Variants in OR11H4 observed in about 807,000 individuals in gnomAD.
OR11H4 encodes the protein olfactory receptor family 11 subfamily H member 4.
For missense variants in OR11H4, 460 were observed against 371.1 expected, an observed-to-expected ratio of 1.24 and a Z score of -1.97; for synonymous variants, 162 against 142.3, an observed-to-expected ratio of 1.14 and a Z score of -0.98.
In OR11H4 at chr14:20,243,778, G is replaced by T. The variant is rs368901730; in HGVS notation, c.*12G>T. On this transcript the variant is annotated 3_prime_UTR_variant, in exon 2 of 2. Coordinates refer to ENST00000641082, the MANE Select transcript of OR11H4 (RefSeq NM_001004479.2). ...GTCAAAATTCGTGAGCCAAAGATGT[G>T]CCATACTTACAAGTTCTAACGAAGA... is the stretch of plus-strand genomic sequence containing the variant. 1.3e-5 allele frequency: 21 copies of T among 1,557,106 alleles called. No homozygotes were observed. Among genetic ancestry groups the T allele is most frequent in the Middle Eastern group, 3.4e-4 (2 of 5,804 alleles).
At chr14:20,239,681 G>A (rs1305120080) in intron 1 of OR11H4, among the ~76,000 whole-genome samples, 1 of 151,606 alleles carries the variant, frequency 6.6e-6, no homozygotes, top group Admixed American at 6.6e-5. Flanking sequence ...GCGACAGAGC[G>A]AGACTGTCTC....
intron 1 of OR11H4, among the ~76,000 whole-genome samples, chr14:20,239,658 C>T (rs1880873984): frequency 6.6e-6 from 1 of 151,594 alleles, no homozygotes; most frequent in African/African-American, 2.4e-5. Context: ...CGCGCCACTG[C>T]ACTCCAGCCT....
intron 1 of OR11H4, among the ~76,000 whole-genome samples, chr14:20,241,581 C>G (rs1880920176): frequency 6.6e-6 from 1 of 152,164 alleles, no homozygotes; most frequent in Admixed American, 6.5e-5. Context: ...CCCCTCCACA[C>G]CTGTGGGTAT....
intron 1 of OR11H4, among the ~76,000 whole-genome samples, chr14:20,239,653 C>A (rs1469852219): frequency 1.3e-5 from 2 of 151,532 alleles, no homozygotes; most frequent in East Asian, 3.9e-4. Context: ...GAGATCGCGC[C>A]ACTGCACTCC....
At position 20,243,415 on chromosome 14, in the gene OR11H4, T is replaced by G. The variant is rs2138752974; in HGVS notation, c.594T>G (p.Ile198Met). 1 of 1,614,010 alleles carries G rather than the reference T, an allele frequency of 6.2e-7. No homozygotes were observed. Among genetic ancestry groups the G allele is most frequent in the East Asian group, 2.2e-5 (1 of 44,864 alleles). The change falls in exon 2 of 2, where the codon ATT (isoleucine) becomes ATG (methionine). Residue 198 changes from isoleucine (I) to methionine (M), a missense_variant. Physicochemically the swap from Ile to Met is conservative, Grantham distance 10. Coordinates refer to ENST00000641082, the MANE Select transcript of OR11H4 (RefSeq NM_001004479.2). ...CCCCAGCTCCCATAACTGAATGTAT[T>G]TTCTATACTCAGAGCTCCCTTGTCC... is the stretch of plus-strand genomic sequence containing the variant. ...SCAPAPITEC[I>M]FYTQSSLVLF...
intron 1 of OR11H4, among the ~76,000 whole-genome samples, chr14:20,239,986 TC>T (rs1419568378): frequency 6.6e-6 from 1 of 152,136 alleles, no homozygotes; most frequent in Admixed American, 6.5e-5. Context: ...TCTACACTTC[TC>T]CAAAGGCTTC....
In OR11H4 at chr14:20,243,343, TG is replaced by T. The variant is rs1452994237; in HGVS notation, c.523del (p.Asp175IlefsTer10). On this transcript the variant is annotated frameshift_variant, in exon 2 of 2. Transcript: ENST00000641082. LOFTEE classifies it low-confidence loss of function (END_TRUNC). The stretch of plus-strand genomic sequence containing the variant: ...TCCCCTTCTGTGGTCCTAATATCAT[TG>T]ATCACTTCCTGTGTGACATGGACCC... ...QLPFCGPNII[D>X]HFLCDMDPLM... is the part of the protein sequence containing the mutation. 10 of 1,613,864 alleles carry T rather than the reference TG, an allele frequency of 6.2e-6. No homozygotes were observed. The South Asian group carries it at 9.9e-5, about 16-fold the overall frequency.
In OR11H4 at chr14:20,243,596, T is replaced by C; in HGVS notation, c.775T>C (p.Tyr259His). The change falls in exon 2 of 2, where the codon TAT becomes CAT. Residue 259 changes from tyrosine to histidine, a missense_variant. By Grantham distance (83) the Tyr-to-His change is moderately conservative. Coordinates refer to ENST00000641082, the MANE Select transcript of OR11H4 (RefSeq NM_001004479.2). ...TTTCTATGGGACAGTCATGGTAATGTATGTAAGTCCTACATATGGGATCCC... is the reference window on the plus strand; with the variant it reads ...TTTCTATGGGACAGTCATGGTAATGCATGTAAGTCCTACATATGGGATCCC... ...SLFYGTVMVM[Y>H]VSPTYGIPTL... 1 of 1,614,010 alleles carries C rather than the reference T, an allele frequency of 6.2e-7. No individual in the cohort carries two copies. Among genetic ancestry groups the C allele is most frequent in the South Asian group, 1.1e-5 (1 of 91,066 alleles).
chr14:20,241,949 A>G (rs61993912), intron 1 of OR11H4, among the ~76,000 whole-genome samples: 1,578 of 152,196 alleles, frequency 0.01, 10 homozygotes, highest in Admixed American at 0.015. Context: ...AGGCAGCATT[A>G]CTGCCAACAT....
intron 1 of OR11H4, among the ~76,000 whole-genome samples, chr14:20,240,551 A>G (rs1253364839): frequency 1.3e-5 from 2 of 151,406 alleles, no homozygotes; most frequent in East Asian, 1.9e-4. Flanking sequence ...TCTAAACTTA[A>G]CAAGAAACTC....
rs761731813 is a variant in OR11H4, at chr14:20,242,807, G to C, written c.-11-4G>C. On this transcript the variant is annotated splice_polypyrimidine_tract_variant and splice_region_variant and intron_variant, in intron 1 of 1. Coordinates refer to ENST00000641082, the MANE Select transcript of OR11H4 (RefSeq NM_001004479.2). The stretch of plus-strand genomic sequence containing the variant: ...GATTACACTCATGTCTTTCTTCTTT[G>C]TAGACTTAAGACCCATGAACAGGTC... 1 of 1,612,328 alleles carries C rather than the reference G, an allele frequency of 6.2e-7. No individual in the cohort carries two copies. Among genetic ancestry groups the C allele is most frequent in the Non-Finnish European group, 8.5e-7 (1 of 1,178,988 alleles).
At chr14:20,241,959 T>C (rs1343995830) in intron 1 of OR11H4, among the ~76,000 whole-genome samples, 1 of 152,092 alleles carries the variant, frequency 6.6e-6, no homozygotes, top group East Asian at 1.9e-4. Context: ...ACTGCCAACA[T>C]GTCTCGCTTC....
intron 1 of OR11H4, among the ~76,000 whole-genome samples, chr14:20,242,252 C>T (rs1041061811): frequency 4.1e-4 from 62 of 152,188 alleles, no homozygotes; most frequent in Admixed American, 1.2e-3. Flanking sequence ...GAGGTCCCTG[C>T]AGCTTTCCAC....
At chr14:20,240,824 C>G (rs1167207628) in intron 1 of OR11H4, among the ~76,000 whole-genome samples, 2 of 152,082 alleles carry the variant, frequency 1.3e-5, no homozygotes, top group Admixed American at 6.5e-5. Context: ...GATCTACCCA[C>G]TTTGGCCTCT....
Position 20,243,545 on chromosome 14 carries a change from G to A in OR11H4, c.724G>A (p.Gly242Ser). 2 of 1,613,454 alleles carry A rather than the reference G, an allele frequency of 1.2e-6. No homozygotes were observed. The highest frequency in any genetic ancestry group is 1.7e-6 in the Non-Finnish European group (2 of 1,179,804). Residue 242 changes from glycine to serine, a missense_variant, in exon 2 of 2, where the codon GGT (glycine) becomes AGT (serine). Transcript: ENST00000641082. ...TCGGAGAAAAGCCTTCTCTACCTGTGGTTCTCATTTGGTTGTGGTATCTCT... is the reference window on the plus strand; with the variant it reads ...TCGGAGAAAAGCCTTCTCTACCTGTAGTTCTCATTTGGTTGTGGTATCTCT... Reference protein sequence around the residue: ...AGRRKAFSTCGSHLVVVSLFY... With the variant: ...AGRRKAFSTCSSHLVVVSLFY...
rs562057297 is a variant in OR11H4, at chr14:20,243,004, T to C, written c.183T>C (p.Phe61=). 3.7e-6 allele frequency: 6 copies of C among 1,614,148 alleles called. No individual in the cohort carries two copies. The highest frequency in any genetic ancestry group is 4.5e-5 in the East Asian group (2 of 44,884). Reference sequence around the variant, plus strand: ...CACTACTACACACCCCCATGTACTTTCTGCTGGGAAATTTTGCCTTCCTTG... The same window carrying C: ...CACTACTACACACCCCCATGTACTTCCTGCTGGGAAATTTTGCCTTCCTTG... ...CNPLLHTPMY[F]LLGNFAFLEI... The change falls in exon 2 of 2, where the codon TTT becomes TTC. Residue 61 remains phenylalanine, a synonymous_variant. Coordinates refer to ENST00000641082, the MANE Select transcript of OR11H4 (RefSeq NM_001004479.2).
rs1880989403 is a variant in OR11H4, at chr14:20,243,513, C to T, written c.692C>T (p.Ala231Val). Residue 231 changes from alanine (A) to valine (V), a missense_variant, in exon 2 of 2, where the codon GCA becomes GTA. Physicochemically the swap from Ala to Val is moderately conservative, Grantham distance 64. Coordinates refer to ENST00000641082, the MANE Select transcript of OR11H4 (RefSeq NM_001004479.2). ...LLTAVFQVPS[A>V]AGRRKAFSTC... ...ACAGCTGTTTTTCAGGTCCCTTCTGCAGCTGGTCGGAGAAAAGCCTTCTCT... is the reference window on the plus strand; with the variant it reads ...ACAGCTGTTTTTCAGGTCCCTTCTGTAGCTGGTCGGAGAAAAGCCTTCTCT... The T allele has an allele frequency of 6.2e-7, 1 of 1,613,840 alleles. No individual in the cohort carries two copies. Among genetic ancestry groups the T allele is most frequent in the Non-Finnish European group, 8.5e-7 (1 of 1,179,898 alleles).
chr14:20,239,737 T>C (rs1356102798), intron 1 of OR11H4, among the ~76,000 whole-genome samples: 2 of 151,564 alleles, frequency 1.3e-5, no homozygotes, highest in Non-Finnish European at 2.9e-5. Flanking sequence ...TCTCCTAGGA[T>C]TGTAGCTCAA....
Position 20,243,838 on chromosome 14 carries a change from T to G in OR11H4, c.*72T>G, listed in dbSNP as rs535813643. On this transcript the variant is annotated 3_prime_UTR_variant, in exon 2 of 2. Transcript: ENST00000641082. ...AGATGTTGTCAGTTCTTTAGCAGTC[T>G]TTCAGTCCTCAGTCTGAGTAGTTAG... is the stretch of plus-strand genomic sequence containing the variant. The G allele has an allele frequency of 1.9e-4, 271 of 1,446,540 alleles. 1 individual carries two copies. The East Asian group carries it at 5.1e-3, about 27-fold the overall frequency. 89.6% of individuals were successfully genotyped at this position (1,446,540 alleles called of 1,614,324 possible).
Sources: allele counts gnomAD v4.1 joint callset (sites outside exome capture counted in the v4.1 genomes callset), GRCh38; gene constraint gnomAD v4.1.1; transcripts MANE v1.5; gene names NCBI Gene and HGNC (gene_info 2026-07-23, HGNC 2026-07-21).